Variants in CCDC171 observed in about 807,000 individuals in gnomAD.
The protein encoded by CCDC171 is coiled-coil domain containing 171, also known as coiled-coil domain-containing protein 171.
A neutral mutation model predicts 168.2 loss-of-function variants in CCDC171; 177 were observed. The observed-to-expected ratio is 1.05, with a 90% confidence interval of 0.93 to 1.19. The LOEUF (loss-of-function observed/expected upper bound fraction) is 1.19. CCDC171 is among the 50% of genes most tolerant of loss of function. The pLI, the probability that CCDC171 is intolerant of heterozygous loss-of-function variation, is 0.00. For synonymous variants in CCDC171, 687 were observed against 540.8 expected (o/e 1.27, Z -3.75); for missense variants, 1,991 against 1,539.0 (o/e 1.29, Z -4.91).
intron 3 of CCDC171, among the ~76,000 whole-genome samples, chr9:16,014,859 A>G (rs1321488182): frequency 1.3e-5 from 2 of 152,176 alleles, no homozygotes; most frequent in Non-Finnish European, 2.9e-5. Flanking sequence ...GCTCAGGCAG[A>G]GTAGATTTAG....
At chr9:15,666,010 T>G (rs2048707372) in intron 8 of CCDC171, among the ~76,000 whole-genome samples, 153 bp from the exon 9 acceptor site, 1 of 152,200 alleles carries the variant, frequency 6.6e-6, no homozygotes, top group South Asian at 2.1e-4. Flanking sequence ...GGGAATAAAC[T>G]GTCTTTTATT....
Position 15,558,315 on chromosome 9 carries a change from C to A in CCDC171, c.-112+5013C>A, listed in dbSNP as rs566061386. Among the ~76,000 whole-genome samples the A allele has an allele frequency of 3.9e-5, 6 of 152,270 alleles. No homozygotes were observed. In the East Asian group the frequency reaches 9.6e-4, roughly 24 times the overall value. ...TGGAATAGTTTCAGAAGGAATGGTA[C>A]CAGCTCCTCTTTGTACCTCTGGTAG... On this transcript the variant is annotated intron_variant, in intron 1 of 25. Transcript: ENST00000380701.
rs1255590468 is a variant in CCDC171, at chr9:15,955,145, G to C, written c.3754-16464G>C. ...ATCTGTGTGTCAAGGATCAGCCTGA[G>C]ATGTAAACTTACGGTCTTCTCAGGT... On this transcript the variant is annotated intron_variant, in intron 25 of 25. Coordinates refer to ENST00000380701, the MANE Select transcript of CCDC171 (RefSeq NM_173550.4). 2.6e-5 allele frequency among the ~76,000 whole-genome samples: 4 copies of C among 152,272 alleles called. No homozygotes were observed. In the South Asian group the frequency reaches 8.3e-4, roughly 32 times the overall value.
At chr9:15,882,910 A>G (rs1447083908) in intron 24 of CCDC171, among the ~76,000 whole-genome samples, 1 of 150,754 alleles carries the variant, frequency 6.6e-6, no homozygotes, top group Non-Finnish European at 1.5e-5. Context: ...TTTTTAGGAC[A>G]GAATCTTGAG....
chr9:15,827,637 A>G (rs1217553800), intron 21 of CCDC171, among the ~76,000 whole-genome samples: 1 of 152,140 alleles, frequency 6.6e-6, no homozygotes, highest in African/African-American at 2.4e-5. Context: ...TAATTATTAA[A>G]AGTTTCCATG....
At chr9:15,622,352 C>T (rs565894226) in intron 6 of CCDC171, among the ~76,000 whole-genome samples, 102 of 152,302 alleles carry the variant, frequency 6.7e-4, no homozygotes, top group African/African-American at 2.2e-3. Context: ...TTCTTCATCT[C>T]TTCACTGTGG....
intron 3 of CCDC171, among the ~76,000 whole-genome samples, chr9:15,573,319 A>T (rs528718412): frequency 6.6e-6 from 1 of 152,058 alleles, no homozygotes; most frequent in South Asian, 2.1e-4. Flanking sequence ...TCTGTCACCC[A>T]GGCTGGAGTG....
At chr9:15,720,495 A>G (rs2053406421) in intron 11 of CCDC171, among the ~76,000 whole-genome samples, 1 of 152,220 alleles carries the variant, frequency 6.6e-6, no homozygotes, top group South Asian at 2.1e-4. Context: ...AGTAGGACGT[A>G]TAATATGAAT....
At chr9:15,608,234 A>G (rs1269509073) in intron 6 of CCDC171, among the ~76,000 whole-genome samples, 1 of 152,192 alleles carries the variant, frequency 6.6e-6, no homozygotes, top group African/African-American at 2.4e-5. Flanking sequence ...AAACTGTCAC[A>G]TGGGGGATTA....
chr9:16,074,060 A>T, the CCDC171 span, among the ~76,000 whole-genome samples: 1 of 152,160 alleles, frequency 6.6e-6, no homozygotes, highest in African/African-American at 2.4e-5. Context: ...GTTGCTTAGT[A>T]TCACTGGGCT....
intron 23 of CCDC171, among the ~76,000 whole-genome samples, chr9:15,865,945 G>A (rs747629267): frequency 6.6e-5 from 10 of 151,862 alleles, no homozygotes; most frequent in Admixed American, 2.6e-4. Context: ...ATTGCCTGGA[G>A]TTTCTTAGAA....
intron 9 of CCDC171, among the ~76,000 whole-genome samples, chr9:15,675,245 T>A (rs760609273): frequency 2.7e-5 from 4 of 146,256 alleles, no homozygotes; most frequent in Non-Finnish European, 6.0e-5. Flanking sequence ...CTCCATCCCT[T>A]TATTTTGAGC....
At chr9:15,700,168 G>C (rs1208103151) in intron 11 of CCDC171, among the ~76,000 whole-genome samples, 1 of 152,234 alleles carries the variant, frequency 6.6e-6, no homozygotes, top group African/African-American at 2.4e-5. Flanking sequence ...GCGGGCTGCA[G>C]GTGCTGAGCC....
the CCDC171 span, among the ~76,000 whole-genome samples, chr9:16,097,109 TA>T: frequency 3.3e-5 from 5 of 152,104 alleles, no homozygotes; most frequent in Non-Finnish European, 2.9e-5. Context: ...ACTGAGCGAA[TA>T]GGGGGAAGAA....
At chr9:15,831,225 G>A (rs2060219317) in intron 21 of CCDC171, among the ~76,000 whole-genome samples, 1 of 151,836 alleles carries the variant, frequency 6.6e-6, no homozygotes, top group Non-Finnish European at 1.5e-5. Context: ...GGCTGCCTCG[G>A]CCTCCCAAAG....
In CCDC171 at chr9:15,629,218, C is replaced by T. The variant is rs373587534; in HGVS notation, c.822+5805C>T. Among the ~76,000 whole-genome samples the T allele has an allele frequency of 8.6e-5, 13 of 152,012 alleles. No homozygotes were observed. The East Asian group carries it at 1.4e-3, about 16-fold the overall frequency. On this transcript the variant is annotated intron_variant, in intron 7 of 25. Transcript: ENST00000380701. ...CGAGTTGAGAGAAGAAGGCTTCAGA[C>T]GATCAAACTACTCCGAGCTACAAGA... is the stretch of plus-strand genomic sequence containing the variant.
intron 17 of CCDC171, 100 bp downstream of exon 17, chr9:15,744,877 AT>A: frequency 9.4e-7 from 1 of 1,066,566 alleles, no homozygotes; most frequent in Non-Finnish European, 1.3e-6. Context: ...AAATCATGTA[AT>A]ATGCCAAATA....
chr9:15,778,313 C>CAAAAAAAAA lies in CCDC171; in HGVS notation c.2898+517_2898+525dup, dbSNP rs71325933. ...TGGGCGACAGAGCGAGACTCCGTCT[C>CAAAAAAAAA]AAAAAAAAAAAAAAAAAAAAAAAAA... On this transcript the variant is annotated intron_variant, in intron 19 of 25. Transcript: ENST00000380701. Among the ~76,000 whole-genome samples the CAAAAAAAAA allele has an allele frequency of 7.1e-4, 27 of 38,102 alleles. 4 individuals are homozygous for CAAAAAAAAA. Among genetic ancestry groups the CAAAAAAAAA allele is most frequent in the Non-Finnish European group, 8.8e-4 (20 of 22,622 alleles). The allele number at this position is 38,102 out of a possible 152,430, so 25.0% of individuals were successfully genotyped here.
At chr9:16,096,312 A>G in the CCDC171 span, among the ~76,000 whole-genome samples, 1 of 152,208 alleles carries the variant, frequency 6.6e-6, no homozygotes, top group South Asian at 2.1e-4. Flanking sequence ...AACACAATTT[A>G]TCCTGTAAGT....
Sources: gnomAD v4.1 joint callset for allele counts (sites outside exome capture counted in the v4.1 genomes callset) on GRCh38, gnomAD v4.1.1 for gene constraint, MANE v1.5 for transcripts, NCBI Gene and HGNC (gene_info 2026-07-23, HGNC 2026-07-21) for gene names.